ZNF385D: variants seen among roughly 807,000 people sequenced by gnomAD.
The protein encoded by ZNF385D is zinc finger protein 659.
In ZNF385D, 15 loss-of-function variants were observed where a neutral mutation model predicts 35.8. The observed-to-expected ratio is 0.42, with a 90% confidence interval of 0.28 to 0.64. The LOEUF (loss-of-function observed/expected upper bound fraction) is 0.64, where lower values mean the gene tolerates loss of function less well. Among genes scored for constraint, ZNF385D ranks in the 30% least tolerant of loss-of-function variants. ZNF385D has a pLI of 0.23. For missense variants in ZNF385D, 474 were observed against 494.6 expected, an observed-to-expected ratio of 0.96 and a Z score of 0.39; for synonymous variants, 212 against 186.8, an observed-to-expected ratio of 1.13 and a Z score of -1.10.
chr3:21,661,382 A>G (rs1320290), intron 2 of ZNF385D, among the ~76,000 whole-genome samples: 18,352 of 152,198 alleles, frequency 0.12, 1,238 homozygotes, highest in East Asian at 0.16. Flanking sequence ...AATTGTTTTC[A>G]TGGCAGAGGT....
intron 3 of ZNF385D, among the ~76,000 whole-genome samples, chr3:21,937,094 A>G (rs77609526): frequency 0.012 from 1,814 of 152,288 alleles, 39 homozygotes; most frequent in East Asian, 0.077. Context: ...TCACAGCTGG[A>G]GTGCTGCAAG....
At chr3:21,762,575 A>C (rs529252248) in intron 3 of ZNF385D, among the ~76,000 whole-genome samples, 2 of 152,230 alleles carry the variant, frequency 1.3e-5, no homozygotes, top group Non-Finnish European at 2.9e-5. Context: ...TCATTTGGCA[A>C]AATTAATATG....
At position 21,465,471 on chromosome 3, in the gene ZNF385D, T is replaced by C. The variant is rs1703453936; in HGVS notation, c.440-28268A>G. Among the ~76,000 whole-genome samples, 1 of 152,076 alleles carries C rather than the reference T, an allele frequency of 6.6e-6. No homozygotes were observed. The highest frequency in any genetic ancestry group is 2.4e-5 in the African/African-American group (1 of 41,416). On this transcript the variant is annotated intron_variant, in intron 4 of 7. Transcript: ENST00000281523. This position sits in a 1 kb window ranked among gnomAD's most constrained non-coding sequence, Gnocchi z 4.2. ...ACAGCCTCTCATCACCTGGCCAGAG[T>C]AGGTAACATGAGACAAACCATTTTA... is the stretch of plus-strand genomic sequence containing the variant.
At chr3:21,824,172 G>C (rs1694450619) in intron 3 of ZNF385D, among the ~76,000 whole-genome samples, 1 of 152,140 alleles carries the variant, frequency 6.6e-6, no homozygotes, top group African/African-American at 2.4e-5. Context: ...TATCATAGTA[G>C]AGTGCACCAC....
chr3:21,625,087 G>A (rs533501801), intron 2 of ZNF385D, among the ~76,000 whole-genome samples: 30 of 152,112 alleles, frequency 2.0e-4, no homozygotes, highest in African/African-American at 7.2e-4. Context: ...TAACAAGATA[G>A]ATCAAAATTG....
intron 1 of ZNF385D, among the ~76,000 whole-genome samples, chr3:21,677,486 G>A (rs2066765371): frequency 1.3e-5 from 2 of 152,020 alleles, no homozygotes; most frequent in Admixed American, 6.6e-5. Flanking sequence ...CACAGAAATT[G>A]CATCTGATTT....
At chr3:21,809,729 CAT>C (rs748239695) in intron 3 of ZNF385D, among the ~76,000 whole-genome samples, 5 of 150,678 alleles carry the variant, frequency 3.3e-5, no homozygotes, top group East Asian at 1.9e-4. Flanking sequence ...TATACACACA[CAT>C]ATATATATAC....
At chr3:21,814,828 C>T (rs929641769) in intron 3 of ZNF385D, among the ~76,000 whole-genome samples, 1 of 152,168 alleles carries the variant, frequency 6.6e-6, no homozygotes, top group Admixed American at 6.5e-5. Flanking sequence ...CTGCACCAAA[C>T]AGACCTAATA....
intron 2 of ZNF385D, among the ~76,000 whole-genome samples, chr3:22,262,551 T>C (rs1700687237): frequency 6.6e-6 from 1 of 152,020 alleles, no homozygotes; most frequent in Admixed American, 6.6e-5. Flanking sequence ...TTACAAAGTA[T>C]AATAGCATAT....
rs993517820 is a variant in ZNF385D, at chr3:22,171,103, C to T, written c.107-2068G>A. ...GTATTTAAAAAATTGCACATGATGACCATTTATTATGAAAAAATAAATCAA... is the reference window on the plus strand; with the variant it reads ...GTATTTAAAAAATTGCACATGATGATCATTTATTATGAAAAAATAAATCAA... On this transcript the variant is annotated intron_variant, in intron 2 of 5. Transcript: ENST00000494108. Among the ~76,000 whole-genome samples the T allele has an allele frequency of 3.0e-5, 4 of 132,290 alleles. No homozygotes were observed. The East Asian group carries it at 8.6e-4, about 28-fold the overall frequency. The allele number at this position is 132,290 out of a possible 152,430, so 86.8% of individuals were successfully genotyped here. A position where few individuals can be genotyped will look rare whatever the true frequency, so the allele number is the denominator to read the frequency against.
In ZNF385D at chr3:21,992,842, A is replaced by T. The variant is rs796510941; in HGVS notation, c.325+175975T>A. Among the ~76,000 whole-genome samples the T allele has an allele frequency of 1.7e-4, 26 of 152,288 alleles. 1 individual carries two copies. The highest frequency in any genetic ancestry group is 5.8e-4 in the African/African-American group (24 of 41,580). On this transcript the variant is annotated intron_variant, in intron 3 of 5. Coordinates refer to the ZNF385D transcript ENST00000494108. Reference sequence around the variant, plus strand: ...GATATTTTGAATTATTTGCAATAAAAATCTTCATGTGTAAATCTTAGTATG... The same window carrying T: ...GATATTTTGAATTATTTGCAATAAATATCTTCATGTGTAAATCTTAGTATG...
intron 2 of ZNF385D, among the ~76,000 whole-genome samples, chr3:22,191,177 T>G (rs1695996444): frequency 6.6e-6 from 1 of 152,078 alleles, no homozygotes; most frequent in Non-Finnish European, 1.5e-5. Flanking sequence ...TTTTAAATAG[T>G]GTGCCATATT....
chr3:21,684,365 CCTCTCTCTCTCTCT>C (rs373105142), intron 1 of ZNF385D, among the ~76,000 whole-genome samples: 20 of 73,382 alleles, frequency 2.7e-4, no homozygotes, highest in South Asian at 1.9e-3. Context: ...TAACTGTTCT[CCTCTCTCTCTCTCT>C]CTCTCTCTCT....
At position 21,751,024 on chromosome 3, in the gene ZNF385D, G is replaced by A; in HGVS notation, c.-108C>T. 4 of 1,596,854 alleles carry A rather than the reference G, an allele frequency of 2.5e-6. No homozygotes were observed. Among genetic ancestry groups the A allele is most frequent in the South Asian group, 1.1e-5 (1 of 88,686 alleles). On this transcript the variant is annotated 5_prime_UTR_variant, in exon 1 of 8. Coordinates refer to ENST00000281523, the MANE Select transcript of ZNF385D (RefSeq NM_024697.3). ...TGCTACATTCGGTGGAAATGTCCCCGGCGTGGAGAGCAGTGAGCGCCGAGA... is the reference window on the plus strand; with the variant it reads ...TGCTACATTCGGTGGAAATGTCCCCAGCGTGGAGAGCAGTGAGCGCCGAGA...
intron 2 of ZNF385D, among the ~76,000 whole-genome samples, chr3:22,294,792 G>T (rs1396648229): frequency 6.6e-6 from 1 of 152,106 alleles, no homozygotes; most frequent in Non-Finnish European, 1.5e-5. Context: ...TCAATGCTTA[G>T]TGGAAATTCA....
At chr3:22,046,919 TAA>T (rs1699038518) in intron 3 of ZNF385D, among the ~76,000 whole-genome samples, 1 of 152,236 alleles carries the variant, frequency 6.6e-6, no homozygotes, top group South Asian at 2.1e-4. Flanking sequence ...CTATACTATA[TAA>T]GATTCATTAG....
chr3:22,124,426 T>A (rs1703306976), intron 3 of ZNF385D, among the ~76,000 whole-genome samples: 1 of 152,116 alleles, frequency 6.6e-6, no homozygotes, highest in African/African-American at 2.4e-5. Context: ...CTGATTTCCT[T>A]TTTAGGGTAT....
chr3:21,795,842 A>G (rs1001846138), intron 3 of ZNF385D, among the ~76,000 whole-genome samples: 3 of 152,260 alleles, frequency 2.0e-5, no homozygotes, highest in African/African-American at 7.2e-5. Context: ...GACAGGCGCT[A>G]TTCTCAATGG....
At chr3:22,107,136 T>C (rs1702266849) in intron 3 of ZNF385D, among the ~76,000 whole-genome samples, 1 of 150,580 alleles carries the variant, frequency 6.6e-6, no homozygotes, top group South Asian at 2.1e-4. Flanking sequence ...GCGATTCTCC[T>C]GCCTCAGCCC....
Sources: gnomAD v4.1 joint callset for allele counts (sites outside exome capture counted in the v4.1 genomes callset) on GRCh38, gnomAD v4.1.1 for gene constraint, Gnocchi (gnomAD v3.1) non-coding constraint, MANE v1.5 for transcripts, NCBI Gene and HGNC (gene_info 2026-07-23, HGNC 2026-07-21) for gene names.